The following MRTFB variants were observed in gnomAD, a reference collection of about 807,000 sequenced individuals.
The protein encoded by MRTFB is myocardin-related transcription factor B.
MRTFB carries 29 observed loss-of-function variants against 104.2 expected under a neutral mutation model. That is an observed-to-expected ratio of 0.28 (90% CI 0.21 to 0.38). The LOEUF is 0.38. Ranked by LOEUF, MRTFB falls within the 10% of genes least tolerant of loss-of-function variation. The pLI, the probability that MRTFB is intolerant of heterozygous loss-of-function variation, is 1.00. For missense variants in MRTFB, 1,270 were observed against 1,341.6 expected (o/e 0.95, Z 0.83); for synonymous variants, 535 against 519.5 (o/e 1.03, Z -0.41).
chr16:14,137,534 G>T (rs2037783292), intron 2 of MRTFB, among the ~76,000 whole-genome samples: 2 of 152,150 alleles, frequency 1.3e-5, no homozygotes, highest in Admixed American at 6.5e-5. Flanking sequence ...TTGTATCTTA[G>T]AATTAATTTG....
intron 8 of MRTFB, among the ~76,000 whole-genome samples, chr16:14,228,748 A>T (rs1019151842): frequency 9.2e-5 from 14 of 152,258 alleles, no homozygotes. Flanking sequence ...AGCCTTTAAA[A>T]AGGAAGCAAA....
At chr16:14,226,052 A>T (rs1017374196) in intron 8 of MRTFB, among the ~76,000 whole-genome samples, 1 of 152,170 alleles carries the variant, frequency 6.6e-6, no homozygotes, top group Non-Finnish European at 1.5e-5. Context: ...AACAATGCAA[A>T]AGGAGAGGAG....
At chr16:13,996,460 A>G in the MRTFB span, among the ~76,000 whole-genome samples, 1 of 152,202 alleles carries the variant, frequency 6.6e-6, no homozygotes, top group Admixed American at 6.5e-5. Flanking sequence ...GATACCTGAC[A>G]GAGAAAACAT....
At chr16:14,224,188 C>T (rs763574846) in intron 8 of MRTFB, among the ~76,000 whole-genome samples, 5 of 152,100 alleles carry the variant, frequency 3.3e-5, no homozygotes, top group Non-Finnish European at 5.9e-5. Flanking sequence ...GGGAAGTCTG[C>T]CCCCATGATT....
chr16:14,069,054 C>T (rs1297266264), upstream of MRTFB, among the ~76,000 whole-genome samples: 2 of 149,244 alleles, frequency 1.3e-5, no homozygotes, highest in Admixed American at 1.3e-4. Flanking sequence ...AGTGCAACCT[C>T]CTCTTCCCAG....
chr16:14,138,649 G>A (rs181896893), intron 2 of MRTFB, among the ~76,000 whole-genome samples: 12 of 152,312 alleles, frequency 7.9e-5, no homozygotes, highest in Non-Finnish European at 1.5e-4. Flanking sequence ...CATGGAGTCT[G>A]CCCTGCATGT....
At chr16:14,194,544 G>A (rs549107958) in intron 3 of MRTFB, among the ~76,000 whole-genome samples, 1 of 152,188 alleles carries the variant, frequency 6.6e-6, no homozygotes, top group Non-Finnish European at 1.5e-5. Context: ...TAACAGCAGT[G>A]AATTCTTATT....
intron 8 of MRTFB, among the ~76,000 whole-genome samples, chr16:14,228,874 CAT>C (rs1334624433): frequency 3.0e-4 from 46 of 152,066 alleles, no homozygotes; most frequent in African/African-American, 1.1e-3. Context: ...TAGTAAAAAT[CAT>C]AGAGGCAGAA....
Position 14,219,694 on chromosome 16 carries a change from T to C in MRTFB, c.693+696T>C, listed in dbSNP as rs76712819. ...CATTTTCTTACAGCATTTCTTCTCA[T>C]TCATGACCATTGATTTGTTAGGAGC... On this transcript the variant is annotated intron_variant, in intron 8 of 16. Transcript: ENST00000571589. 3.0e-4 allele frequency among the ~76,000 whole-genome samples: 46 copies of C among 152,350 alleles called. No homozygotes were observed. In the East Asian group the frequency reaches 7.7e-3, roughly 26 times the overall value.
chr16:14,178,845 G>A (rs1037709829), intron 3 of MRTFB, among the ~76,000 whole-genome samples: 11 of 152,016 alleles, frequency 7.2e-5, no homozygotes, highest in African/African-American at 2.7e-4. Flanking sequence ...GTCCTCCTGG[G>A]CTCAAGCTAT....
At chr16:14,101,909 C>G (rs2035723626) in intron 2 of MRTFB, among the ~76,000 whole-genome samples, 1 of 152,092 alleles carries the variant, frequency 6.6e-6, no homozygotes, top group Non-Finnish European at 1.5e-5. Flanking sequence ...ATAACATCTT[C>G]TCAGTGTCCC....
chr16:14,116,287 T>C (rs1382849649), intron 2 of MRTFB, among the ~76,000 whole-genome samples: 1 of 152,112 alleles, frequency 6.6e-6, no homozygotes, highest in South Asian at 2.1e-4. Flanking sequence ...TTCTAACTCA[T>C]CTATTTTTCA....
chr16:14,064,578 A>C, the MRTFB span, among the ~76,000 whole-genome samples: 2 of 152,062 alleles, frequency 1.3e-5, no homozygotes, highest in Admixed American at 6.6e-5. Flanking sequence ...TTTTCTTCAA[A>C]AGTTTTTATA....
chr16:14,248,638 C>T, intron 12 of MRTFB: 1 of 294,118 alleles, frequency 3.4e-6, no homozygotes, highest in Admixed American at 4.8e-5. Flanking sequence ...ATGTGTAGAA[C>T]TGCCTTAGGT....
intron 8 of MRTFB, among the ~76,000 whole-genome samples, chr16:14,226,735 AAGGTCACAGCAGG>A (rs1342912567): frequency 6.6e-6 from 1 of 152,092 alleles, no homozygotes; most frequent in Non-Finnish European, 1.5e-5. Context: ...AGCTGTTTGG[AAGGTCACAGCAGG>A]AGGATCCCTT....
At chr16:14,226,352 G>C (rs2042001304) in intron 8 of MRTFB, among the ~76,000 whole-genome samples, 1 of 152,136 alleles carries the variant, frequency 6.6e-6, no homozygotes, top group African/African-American at 2.4e-5. Flanking sequence ...AAGATAAATA[G>C]AACAGTGAGC....
At chr16:14,213,853 A>G (rs1381348801) in intron 6 of MRTFB, among the ~76,000 whole-genome samples, 1 of 152,206 alleles carries the variant, frequency 6.6e-6, no homozygotes, top group Non-Finnish European at 1.5e-5. Context: ...CTGGTACCAC[A>G]GATGCCTCTA....
At chr16:14,162,994 A>C (rs527898227) in intron 3 of MRTFB, among the ~76,000 whole-genome samples, 1 of 152,294 alleles carries the variant, frequency 6.6e-6, no homozygotes, top group African/African-American at 2.4e-5. Context: ...TTTGTCCTAT[A>C]ATGAAAAAGC....
the MRTFB span, among the ~76,000 whole-genome samples, chr16:14,034,616 CAAAAAAAAA>C: frequency 1.7e-5 from 1 of 57,826 alleles, no homozygotes; most frequent in African/African-American, 6.3e-5. Flanking sequence ...CTCCATCTCA[CAAAAAAAAA>C]AAAAAAAAAA....
Sources: gnomAD v4.1 joint callset for allele counts (sites outside exome capture counted in the v4.1 genomes callset) on GRCh38, gnomAD v4.1.1 for gene constraint, MANE v1.5 for transcripts, NCBI Gene and HGNC (gene_info 2026-07-23, HGNC 2026-07-21) for gene names.